The following SERGEF variants were observed in gnomAD, a reference collection of about 807,000 sequenced individuals.
SERGEF encodes the protein secretion-regulating guanine nucleotide exchange factor.
SERGEF carries 51 observed loss-of-function variants against 50.0 expected under a neutral mutation model. The ratio of observed to expected loss-of-function variants is 1.02; its 90% CI spans 0.81 to 1.29. SERGEF has a LOEUF of 1.29. Ranked by LOEUF, SERGEF falls within the 50% of genes most tolerant of loss-of-function variation. SERGEF has a pLI of 0.00. For missense variants in SERGEF, 521 were observed against 557.0 expected (o/e 0.94, Z 0.65); for synonymous variants, 205 against 212.4 (o/e 0.97, Z 0.30).
intron 10 of SERGEF, among the ~76,000 whole-genome samples, chr11:17,868,328 A>G (rs764967188): frequency 9.9e-5 from 15 of 152,220 alleles, no homozygotes; most frequent in Non-Finnish European, 1.5e-4. Context: ...TCTAGGGCAG[A>G]GGCAAAATGC....
At chr11:18,010,221 C>T (rs1854168247) in intron 1 of SERGEF, 1 of 526,566 alleles carries the variant, frequency 1.9e-6, no homozygotes, top group South Asian at 2.4e-5. Flanking sequence ...AATCCTTCCC[C>T]TTGTAGTCTA....
At chr11:17,804,464 TAGAAG>T (rs898926346) in intron 10 of SERGEF, among the ~76,000 whole-genome samples, 6 of 152,246 alleles carry the variant, frequency 3.9e-5, no homozygotes, top group Non-Finnish European at 7.3e-5. Context: ...GAGGCTTCCC[TAGAAG>T]AGAAGTCAGC....
At chr11:17,993,093 C>T in intron 6 of SERGEF, 100 bp from the exon 7 acceptor site, 2 of 902,496 alleles carry the variant, frequency 2.2e-6, no homozygotes, top group Non-Finnish European at 1.8e-6. Flanking sequence ...GGGAGAGACT[C>T]AGCCAGTGCA....
chr11:17,817,178 C>T (rs1287622659), intron 10 of SERGEF, among the ~76,000 whole-genome samples: 8 of 151,302 alleles, frequency 5.3e-5, no homozygotes, highest in Admixed American at 2.6e-4. Flanking sequence ...CAATGTATTA[C>T]TATTAGATAC....
chr11:17,827,643 C>T (rs1032260303), intron 10 of SERGEF, among the ~76,000 whole-genome samples: 5 of 152,116 alleles, frequency 3.3e-5, no homozygotes, highest in South Asian at 2.1e-4. Flanking sequence ...TACCTCTCGC[C>T]GCATCACTGA....
intron 9 of SERGEF, among the ~76,000 whole-genome samples, chr11:17,928,141 T>A (rs551250617): frequency 6.6e-6 from 1 of 152,240 alleles, no homozygotes; most frequent in Non-Finnish European, 1.5e-5. Flanking sequence ...CCTTCTGTAC[T>A]GGCATGCTGC....
chr11:17,851,073 C>A (rs771218911), intron 10 of SERGEF, among the ~76,000 whole-genome samples: 5 of 152,162 alleles, frequency 3.3e-5, no homozygotes, highest in Non-Finnish European at 5.9e-5. Flanking sequence ...AATTAGCTAA[C>A]CTCCCTAGGG....
At chr11:17,940,343 G>T (rs1852538104) in intron 9 of SERGEF, among the ~76,000 whole-genome samples, 1 of 152,144 alleles carries the variant, frequency 6.6e-6, no homozygotes, top group Non-Finnish European at 1.5e-5. Flanking sequence ...TATCTGGGTT[G>T]AAGGCCCTGC....
At chr11:17,979,519 C>T (rs1853448648) in intron 8 of SERGEF, among the ~76,000 whole-genome samples, 1 of 152,180 alleles carries the variant, frequency 6.6e-6, no homozygotes, top group South Asian at 2.1e-4. Context: ...GAGCTTCCCC[C>T]TGCCAGACAG....
At chr11:17,896,587 G>A (rs1590183392) in intron 9 of SERGEF, among the ~76,000 whole-genome samples, 1 of 21,768 alleles carries the variant, frequency 4.6e-5, no homozygotes, top group Non-Finnish European at 9.1e-5. Context: ...GAAGGGAAGG[G>A]GAAGGGAAGG....
intron 9 of SERGEF, among the ~76,000 whole-genome samples, chr11:17,882,288 G>A (rs1047787502): frequency 3.3e-5 from 5 of 151,902 alleles, no homozygotes; most frequent in Admixed American, 6.6e-5. Flanking sequence ...GCGTGGTGGC[G>A]GGTGCCTATG....
chr11:17,871,114 G>A (rs988799989), intron 10 of SERGEF, among the ~76,000 whole-genome samples: 1 of 152,170 alleles, frequency 6.6e-6, no homozygotes, highest in Non-Finnish European at 1.5e-5. Flanking sequence ...CTTGGAATGA[G>A]TAAAAATGTC....
chr11:17,799,835 A>G (rs1362544911), intron 10 of SERGEF, among the ~76,000 whole-genome samples: 2 of 152,218 alleles, frequency 1.3e-5, no homozygotes. Context: ...GTCTGGTGCT[A>G]TGCCCAATTC....
chr11:17,829,484 T>C (rs1052782292), intron 10 of SERGEF, among the ~76,000 whole-genome samples: 3 of 152,216 alleles, frequency 2.0e-5, no homozygotes, highest in African/African-American at 7.2e-5. Flanking sequence ...GTCTGATTCA[T>C]TAACCATTAT....
At chr11:17,910,183 A>ACTCTCT (rs1435817148) in intron 9 of SERGEF, among the ~76,000 whole-genome samples, 1 of 104,278 alleles carries the variant, frequency 9.6e-6, no homozygotes, top group East Asian at 3.0e-4. Flanking sequence ...ACACACACAC[A>ACTCTCT]CACACACACA....
chr11:17,969,028 TGA>T (rs1397652557), intron 8 of SERGEF, among the ~76,000 whole-genome samples: 2 of 152,044 alleles, frequency 1.3e-5, no homozygotes, highest in Non-Finnish European at 2.9e-5. Flanking sequence ...CTCAAGCCTA[TGA>T]TGAAAAGGCA....
chr11:17,854,694 T>C (rs571335897), intron 10 of SERGEF: 1 of 152,256 alleles, frequency 6.6e-6, no homozygotes, highest in Middle Eastern at 3.4e-3. Context: ...TTGCATCTCC[T>C]TCTGGGTCTG....
chr11:17,908,228 G>T (rs1851887473), intron 9 of SERGEF, among the ~76,000 whole-genome samples: 1 of 152,022 alleles, frequency 6.6e-6, no homozygotes, highest in South Asian at 2.1e-4. Context: ...ATACAATCTG[G>T]TTCCAGATGA....
At chr11:17,789,574 T>TA (rs924006143) in intron 10 of SERGEF, among the ~76,000 whole-genome samples, 3 of 151,872 alleles carry the variant, frequency 2.0e-5, no homozygotes, top group South Asian at 2.1e-4. Context: ...TGTGGTCGTT[T>TA]AAAAAAAATC....
Sources: gnomAD v4.1 joint callset for allele counts (sites outside exome capture counted in the v4.1 genomes callset) on GRCh38, gnomAD v4.1.1 for gene constraint, MANE v1.5 for transcripts, NCBI Gene and HGNC (gene_info 2026-07-23, HGNC 2026-07-21) for gene names.